The following LAMA2 variants were observed in gnomAD, a reference collection of about 807,000 sequenced individuals.
LAMA2 encodes laminin subunit alpha-2.
LAMA2 carries 269 observed loss-of-function variants against 364.8 expected under a neutral mutation model. That is an observed-to-expected ratio of 0.74 (90% confidence interval 0.67 to 0.82). The LOEUF (loss-of-function observed/expected upper bound fraction) is 0.82. LAMA2 is among the 40% of genes least tolerant of loss of function. LAMA2 has a pLI of 0.00. For synonymous variants in LAMA2, 1,379 were observed against 1,370.6 expected, an observed-to-expected ratio of 1.01 and a Z score of -0.14; for missense variants, 3,807 against 3,873.2, an observed-to-expected ratio of 0.98 and a Z score of 0.45.
intron 1 of LAMA2, among the ~76,000 whole-genome samples, chr6:128,913,088 A>T (rs1409882812): frequency 1.3e-5 from 2 of 152,234 alleles, no homozygotes; most frequent in Non-Finnish European, 2.9e-5. Context: ...GCTAAAAATT[A>T]AAAATTTAAA....
chr6:129,486,733 A>T, intron 56 of LAMA2, 111 bp downstream of exon 56: 1 of 974,066 alleles, frequency 1.0e-6, no homozygotes, highest in Non-Finnish European at 1.6e-6. Context: ...CCTACTATGC[A>T]TTGCAAAAGG....
intron 1 of LAMA2, among the ~76,000 whole-genome samples, chr6:128,907,614 A>G (rs971102064): frequency 8.5e-5 from 13 of 152,178 alleles, no homozygotes; most frequent in Admixed American, 8.5e-4. Flanking sequence ...TTCCTAATTG[A>G]ATACCCTTTA....
At chr6:129,356,551 C>G (rs1392694620) in intron 32 of LAMA2, among the ~76,000 whole-genome samples, 3 of 152,046 alleles carry the variant, frequency 2.0e-5, no homozygotes, top group African/African-American at 7.2e-5. Flanking sequence ...TTCTCAGTGA[C>G]TTTTCAGTAG....
chr6:129,506,182 G>A (rs546342503), intron 61 of LAMA2, among the ~76,000 whole-genome samples: 26 of 151,778 alleles, frequency 1.7e-4, no homozygotes, highest in Admixed American at 1.3e-3. Flanking sequence ...GCAAAACCCT[G>A]TCTCTACAAA....
intron 8 of LAMA2, chr6:129,157,593 G>A (rs2114981254): frequency 6.2e-7 from 1 of 1,612,990 alleles, no homozygotes; most frequent in Middle Eastern, 1.7e-4. Flanking sequence ...TGTGAGTCTG[G>A]GGGCTGGATT....
At chr6:129,067,827 C>T (rs1348968997) in intron 3 of LAMA2, among the ~76,000 whole-genome samples, 28 of 152,146 alleles carry the variant, frequency 1.8e-4, no homozygotes, top group Admixed American at 1.8e-3. Context: ...TTCAATGTAG[C>T]TTGTTTCCTC....
chr6:128,990,864 A>T (rs1783566322), intron 1 of LAMA2, among the ~76,000 whole-genome samples: 1 of 152,152 alleles, frequency 6.6e-6, no homozygotes, highest in Non-Finnish European at 1.5e-5. Context: ...ATATCTCTAT[A>T]TATGCATAAA....
chr6:129,084,165 T>C (rs1335119836), intron 3 of LAMA2, among the ~76,000 whole-genome samples: 1 of 152,210 alleles, frequency 6.6e-6, no homozygotes, highest in African/African-American at 2.4e-5. Flanking sequence ...ATACATATTT[T>C]GAAAAACAAA....
At chr6:129,350,397 AG>A (rs1776793546) in intron 31 of LAMA2, among the ~76,000 whole-genome samples, 1 of 152,226 alleles carries the variant, frequency 6.6e-6, no homozygotes, top group South Asian at 2.1e-4. Context: ...TGCCCTGCCT[AG>A]GCACCTACAC....
At chr6:129,297,044 T>C (rs1773230606) in intron 20 of LAMA2, among the ~76,000 whole-genome samples, 1 of 152,226 alleles carries the variant, frequency 6.6e-6, no homozygotes, top group African/African-American at 2.4e-5. Context: ...GGTGCTTTAA[T>C]ACGTGTTCTC....
At chr6:129,091,299 T>C (rs1200934323) in intron 3 of LAMA2, among the ~76,000 whole-genome samples, 1 of 152,178 alleles carries the variant, frequency 6.6e-6, no homozygotes, top group African/African-American at 2.4e-5. Context: ...TAATTGAAAA[T>C]GTTCTCTTCA....
chr6:129,014,671 T>C (rs1033408386), intron 1 of LAMA2, among the ~76,000 whole-genome samples: 2 of 152,100 alleles, frequency 1.3e-5, no homozygotes, highest in Non-Finnish European at 2.9e-5. Context: ...AGAAAAAATA[T>C]GCTATTTAGG....
At chr6:129,128,111 C>A (rs1777223800) in intron 4 of LAMA2, among the ~76,000 whole-genome samples, 1 of 152,136 alleles carries the variant, frequency 6.6e-6, no homozygotes, top group Non-Finnish European at 1.5e-5. Context: ...GTGTTTTCTT[C>A]TAGCAATTTG....
At chr6:129,097,713 T>C (rs1171847848) in intron 3 of LAMA2, among the ~76,000 whole-genome samples, 1 of 152,240 alleles carries the variant, frequency 6.6e-6, no homozygotes, top group Admixed American at 6.5e-5. Flanking sequence ...TGTACCATAC[T>C]AACTGCCTCT....
Position 129,155,517 on chromosome 6 carries a change from AT to A in LAMA2, c.1206+835del, listed in dbSNP as rs1779058944. Among the ~76,000 whole-genome samples, 3 of 152,214 alleles carry A rather than the reference AT, an allele frequency of 2.0e-5. No homozygotes were observed. In the South Asian group the frequency reaches 6.2e-4, roughly 32 times the overall value. On this transcript the variant is annotated intron_variant, in intron 8 of 64. Coordinates refer to ENST00000421865, the MANE Select transcript of LAMA2 (RefSeq NM_000426.4). Reference sequence around the variant, plus strand: ...TCCTGTATCTTCTCTTATGAAGTAGATGTTCAAAGTCTAAATATTTTTTTAT... The same window carrying A: ...TCCTGTATCTTCTCTTATGAAGTAGAGTTCAAAGTCTAAATATTTTTTTAT...
intron 37 of LAMA2, among the ~76,000 whole-genome samples, chr6:129,400,125 C>T (rs897538908): frequency 9.9e-5 from 15 of 152,170 alleles, no homozygotes; most frequent in African/African-American, 3.6e-4. Flanking sequence ...GGTTCATAGA[C>T]ACCGTTTTCA....
chr6:129,340,498 C>T (rs1776198980), intron 29 of LAMA2, among the ~76,000 whole-genome samples: 1 of 151,874 alleles, frequency 6.6e-6, no homozygotes, highest in South Asian at 2.1e-4. Context: ...GAATTGTTTG[C>T]CAGGAAACCA....
In LAMA2 at chr6:129,427,827, G is replaced by A. The variant is rs779361221; in HGVS notation, c.5941G>A (p.Ala1981Thr). 1.2e-6 allele frequency: 2 copies of A among 1,613,364 alleles called. No homozygotes were observed. The highest frequency in any genetic ancestry group is 1.7e-6 in the Non-Finnish European group (2 of 1,179,446). ...GAAAAGCTTCAGGATTCTTAACGAA[G>A]CCAAGAAGTTAGCAAATGATGTAAA... Reference protein sequence around the residue: ...LQKSFRILNEAKKLANDVKEN... With the variant: ...LQKSFRILNETKKLANDVKEN... Residue 1981 changes from alanine (A) to threonine (T), a missense_variant, in exon 41 of 65, where the codon GCC becomes ACC. Transcript: ENST00000421865.
chr6:128,936,867 C>T (rs150930995), intron 1 of LAMA2, among the ~76,000 whole-genome samples: 2 of 152,150 alleles, frequency 1.3e-5, no homozygotes, highest in African/African-American at 2.4e-5. Context: ...CTTTGAGCGA[C>T]CCTTGATTAT....
Sources: allele counts gnomAD v4.1 joint callset (sites outside exome capture counted in the v4.1 genomes callset), GRCh38; gene constraint gnomAD v4.1.1; transcripts MANE v1.5; gene names NCBI Gene and HGNC (gene_info 2026-07-23, HGNC 2026-07-21).